Variants in TBC1D4 observed in about 807,000 individuals in gnomAD.
The protein encoded by TBC1D4 is TBC1 domain family member 4.
A neutral mutation model predicts 142.5 loss-of-function variants in TBC1D4; 121 were observed. That is an observed-to-expected ratio of 0.85 (90% CI 0.73 to 0.99). The LOEUF (loss-of-function observed/expected upper bound fraction) is 0.99. TBC1D4 is among the 50% of genes least tolerant of loss of function. The probability of loss-of-function intolerance (pLI) is 0.00; values close to 1 mark genes in which losing one functional copy is unlikely to be tolerated. For synonymous variants in TBC1D4, 630 were observed against 628.2 expected (o/e 1.00, Z -0.04); for missense variants, 1,475 against 1,606.6 (o/e 0.92, Z 1.40).
intron 1 of TBC1D4, among the ~76,000 whole-genome samples, chr13:75,438,649 T>C (rs1406223652): frequency 6.6e-6 from 1 of 152,222 alleles, no homozygotes; most frequent in African/African-American, 2.4e-5. Flanking sequence ...GGAAAACTTT[T>C]ATAATATTAA....
intron 14 of TBC1D4, among the ~76,000 whole-genome samples, chr13:75,308,490 T>C (rs1877402725): frequency 6.6e-6 from 1 of 152,232 alleles, no homozygotes; most frequent in African/African-American, 2.4e-5. Context: ...CTACTTCTAC[T>C]GTAGAATGAA....
At chr13:75,449,275 T>C (rs1242190275) in intron 1 of TBC1D4, among the ~76,000 whole-genome samples, 2 of 150,660 alleles carry the variant, frequency 1.3e-5, no homozygotes, top group Non-Finnish European at 2.9e-5. Flanking sequence ...TACACACACA[T>C]ATATATATTG....
intron 1 of TBC1D4, among the ~76,000 whole-genome samples, chr13:75,407,099 C>T (rs1227434613): frequency 6.6e-6 from 1 of 152,192 alleles, no homozygotes; most frequent in African/African-American, 2.4e-5. Flanking sequence ...AACTATTCAT[C>T]CAGCCCCCTC....
intron 17 of TBC1D4, among the ~76,000 whole-genome samples, chr13:75,295,537 C>CT (rs892246707): frequency 6.6e-6 from 1 of 152,142 alleles, no homozygotes; most frequent in Non-Finnish European, 1.5e-5. Flanking sequence ...GGGCCAGAAG[C>CT]TTGAGATTTA....
rs529416245 is a variant in TBC1D4, at chr13:75,294,533, T to G, written c.3316+321A>C. On this transcript the variant is annotated intron_variant, in intron 18 of 20. Transcript: ENST00000377636. ...AACATGTATATAAAAATCTGGAAAA[T>G]TATACACAGTCTGTCCCTAGTCCAG... is the stretch of plus-strand genomic sequence containing the variant. 2.0e-5 allele frequency among the ~76,000 whole-genome samples: 3 copies of G among 152,298 alleles called. No homozygotes were observed. The South Asian group carries it at 6.2e-4, about 32-fold the overall frequency.
chr13:75,436,844 C>G (rs1352484438), intron 1 of TBC1D4, among the ~76,000 whole-genome samples: 1 of 105,804 alleles, frequency 9.5e-6, no homozygotes, highest in South Asian at 3.6e-4. Flanking sequence ...AAGACACCAT[C>G]TTAATCAAGT....
At chr13:75,481,242 C>T (rs1414746656) in intron 1 of TBC1D4, 28 bp downstream of exon 1, 2 of 1,606,218 alleles carry the variant, frequency 1.2e-6, no homozygotes, top group African/African-American at 1.3e-5. Flanking sequence ...GCCGAGCCCG[C>T]CCCCGCGCCT....
chr13:75,480,238 A>G (rs1323055600), intron 1 of TBC1D4, among the ~76,000 whole-genome samples: 1 of 152,226 alleles, frequency 6.6e-6, no homozygotes, highest in East Asian at 1.9e-4. Context: ...CCAGTTACCA[A>G]AAGAAAGCCA....
intron 5 of TBC1D4, among the ~76,000 whole-genome samples, chr13:75,345,488 A>G (rs1881074966): frequency 6.6e-6 from 1 of 152,194 alleles, no homozygotes; most frequent in Non-Finnish European, 1.5e-5. Context: ...AGATACATGC[A>G]TGCCTTGAAG....
In TBC1D4 at chr13:75,319,918, G is replaced by C. The variant is rs1260829085; in HGVS notation, c.2222+96C>G. On this transcript the variant is annotated intron_variant, in intron 12 of 20. Transcript: ENST00000377636. ...CACTCAGAAAGATGGCATGCATTCA[G>C]GAGACAAACAAAACTGCTTTTTAAA... 6.0e-6 allele frequency: 8 copies of C among 1,327,636 alleles called. No individual in the cohort carries two copies. In the African/African-American group the frequency reaches 1.2e-4, roughly 19 times the overall value. 82.2% of individuals were successfully genotyped at this position (1,327,636 alleles called of 1,614,324 possible). A position where few individuals can be genotyped will look rare whatever the true frequency, so the allele number is the denominator to read the frequency against.
intron 12 of TBC1D4, among the ~76,000 whole-genome samples, chr13:75,315,329 C>CA (rs959506493): frequency 1.4e-5 from 2 of 147,886 alleles, no homozygotes; most frequent in East Asian, 2.0e-4. Flanking sequence ...CAAAACAAAA[C>CA]AAAAAACCTT....
At chr13:75,375,095 A>G (rs1178634204) in intron 1 of TBC1D4, among the ~76,000 whole-genome samples, 1 of 152,234 alleles carries the variant, frequency 6.6e-6, no homozygotes, top group East Asian at 1.9e-4. Context: ...AGAAGACAAG[A>G]CACAGCTGTG....
At chr13:75,345,131 G>A (rs1380189520) in intron 5 of TBC1D4, among the ~76,000 whole-genome samples, 1 of 152,170 alleles carries the variant, frequency 6.6e-6, no homozygotes, top group Non-Finnish European at 1.5e-5. Flanking sequence ...TCCAAATCCT[G>A]GCTCTGCCCC....
intron 1 of TBC1D4, among the ~76,000 whole-genome samples, chr13:75,430,978 TAAGCTGGACTC>T (rs763046887): frequency 6.6e-6 from 1 of 152,080 alleles, no homozygotes; most frequent in Non-Finnish European, 1.5e-5. Context: ...GTGGTTAAAA[TAAGCTGGACTC>T]AAACTCAACT....
chr13:75,349,808 T>A (rs1339062444), intron 4 of TBC1D4, among the ~76,000 whole-genome samples: 2 of 152,176 alleles, frequency 1.3e-5, no homozygotes, highest in East Asian at 3.8e-4. Flanking sequence ...ATTTAAACAA[T>A]GGTGGGGAAA....
intron 2 of TBC1D4, among the ~76,000 whole-genome samples, chr13:75,360,875 C>A (rs561648079): frequency 6.0e-4 from 91 of 152,124 alleles, no homozygotes; most frequent in Non-Finnish European, 1.0e-3. Flanking sequence ...TGAAAAAAAG[C>A]CTCATGAACT....
chr13:75,466,801 T>C (rs1888187041), intron 1 of TBC1D4, among the ~76,000 whole-genome samples: 1 of 149,902 alleles, frequency 6.7e-6, no homozygotes, highest in Non-Finnish European at 1.5e-5. Context: ...AGCCAGGGAG[T>C]CGGAGGTTGC....
intron 1 of TBC1D4, among the ~76,000 whole-genome samples, chr13:75,409,544 T>A (rs544226314): frequency 6.6e-6 from 1 of 152,322 alleles, no homozygotes; most frequent in African/African-American, 2.4e-5. Flanking sequence ...GGCTAACAGA[T>A]AAATTTAAAG....
Position 75,481,911 on chromosome 13 carries a change from C to T in TBC1D4, c.-144G>A. The T allele has an allele frequency of 8.1e-7, 1 of 1,237,260 alleles. No individual in the cohort carries two copies. Among genetic ancestry groups the T allele is most frequent in the Non-Finnish European group, 1.0e-6 (1 of 954,570 alleles). The allele number at this position is 1,237,260 out of a possible 1,614,324, so 76.6% of individuals were successfully genotyped here. A position where few individuals can be genotyped will look rare whatever the true frequency, so the allele number is the denominator to read the frequency against. The stretch of plus-strand genomic sequence containing the variant: ...GGGAGCGGCGCGACCCCGAACTCCG[C>T]GCTTCAGCAGCCCTGCCCCATGCAG... On this transcript the variant is annotated 5_prime_UTR_variant, in exon 1 of 21. Transcript: ENST00000377636.
Sources: allele counts gnomAD v4.1 joint callset (sites outside exome capture counted in the v4.1 genomes callset), GRCh38; gene constraint gnomAD v4.1.1; transcripts MANE v1.5; gene names NCBI Gene and HGNC (gene_info 2026-07-23, HGNC 2026-07-21).